The following ZNF423 variants were observed in gnomAD, a reference collection of about 807,000 sequenced individuals.
The protein encoded by ZNF423 is zinc finger protein 423.
ZNF423 carries 12 observed loss-of-function variants against 95.8 expected under a neutral mutation model. The observed-to-expected ratio is 0.13, with a 90% CI of 0.08 to 0.20. The LOEUF (loss-of-function observed/expected upper bound fraction) is 0.20. Ranked by LOEUF, ZNF423 falls within the 10% of genes least tolerant of loss-of-function variation. The pLI is 1.00. For missense variants in ZNF423, 1,316 were observed against 1,737.1 expected, an observed-to-expected ratio of 0.76 and a Z score of 4.31; for synonymous variants, 749 against 711.9, an observed-to-expected ratio of 1.05 and a Z score of -0.83.
intron 3 of ZNF423, among the ~76,000 whole-genome samples, chr16:49,691,479 T>C (rs1273608993): frequency 6.6e-6 from 1 of 152,148 alleles, no homozygotes; most frequent in East Asian, 1.9e-4. Context: ...ACGCCTGTAA[T>C]CCCAGCACTC....
intron 3 of ZNF423, among the ~76,000 whole-genome samples, chr16:49,689,278 C>CAA (rs150078202): frequency 3.0e-4 from 42 of 140,722 alleles, no homozygotes; most frequent in African/African-American, 1.1e-3. Context: ...CCCATCTCTA[C>CAA]AAAAAAAAAA....
At chr16:49,555,586 CT>C (rs1247796559) in intron 5 of ZNF423, among the ~76,000 whole-genome samples, 1 of 152,184 alleles carries the variant, frequency 6.6e-6, no homozygotes, top group Non-Finnish European at 1.5e-5. Context: ...AGAATCCTTG[CT>C]TTTGATCCAT....
At chr16:49,646,983 AGT>A (rs1973199748) in intron 3 of ZNF423, among the ~76,000 whole-genome samples, 1 of 152,208 alleles carries the variant, frequency 6.6e-6, no homozygotes, top group Non-Finnish European at 1.5e-5. Context: ...AACTGTGCAA[AGT>A]GACACTCCAA....
At chr16:49,605,063 C>T (rs1355551236) in intron 5 of ZNF423, among the ~76,000 whole-genome samples, 1 of 152,212 alleles carries the variant, frequency 6.6e-6, no homozygotes, top group Non-Finnish European at 1.5e-5. Context: ...TCTCCTCTTG[C>T]CAAGGGTATT....
At chr16:49,530,194 G>T (rs949710005) in intron 5 of ZNF423, among the ~76,000 whole-genome samples, 1 of 152,090 alleles carries the variant, frequency 6.6e-6, no homozygotes, top group Non-Finnish European at 1.5e-5. Flanking sequence ...TGGCAGCCAA[G>T]CAGTCTTATT....
chr16:49,734,667 C>T (rs750387504), intron 2 of ZNF423, among the ~76,000 whole-genome samples: 4 of 152,216 alleles, frequency 2.6e-5, no homozygotes, highest in Non-Finnish European at 5.9e-5. Context: ...GGACCTCTCC[C>T]TCAGGGCCAT....
At chr16:49,684,388 T>C (rs1016851163) in intron 3 of ZNF423, among the ~76,000 whole-genome samples, 2 of 152,238 alleles carry the variant, frequency 1.3e-5, no homozygotes, top group African/African-American at 4.8e-5. Context: ...ATTCTCAAAT[T>C]GCCCTGGGGA....
At chr16:49,505,711 G>C (rs948408739) in intron 7 of ZNF423, among the ~76,000 whole-genome samples, 1 of 152,202 alleles carries the variant, frequency 6.6e-6, no homozygotes, top group East Asian at 1.9e-4. Context: ...CCAGAGAGGG[G>C]GTCCAACCTG....
chr16:49,488,637 T>A lies in ZNF423; in HGVS notation c.*2638A>T, dbSNP rs1249912104. On this transcript the variant is annotated 3_prime_UTR_variant, in exon 8 of 8. Transcript: ENST00000563137. ...TCTGTGTGCAGCCCTTTGTCAGGCATCACTTCATACAAGCCTCCCAGAGAC... is the reference window on the plus strand; with the variant it reads ...TCTGTGTGCAGCCCTTTGTCAGGCAACACTTCATACAAGCCTCCCAGAGAC... 6.6e-6 allele frequency: 1 copy of A among 152,144 alleles called. No homozygotes were observed. The highest frequency in any genetic ancestry group is 1.5e-5 in the Non-Finnish European group (1 of 68,028). The allele number at this position is 152,144 out of a possible 1,614,324, so 9.4% of individuals were successfully genotyped here.
chr16:49,800,705 C>T (rs1310259183), intron 1 of ZNF423, among the ~76,000 whole-genome samples: 1 of 152,208 alleles, frequency 6.6e-6, no homozygotes, highest in East Asian at 1.9e-4. Context: ...CATACTGGCT[C>T]CCCTTCCATC....
chr16:49,845,740 C>T (rs1206610963), intron 1 of ZNF423, among the ~76,000 whole-genome samples: 1 of 151,582 alleles, frequency 6.6e-6, no homozygotes, highest in Admixed American at 6.6e-5. Flanking sequence ...GAGGTGGTTT[C>T]GCCATGTTGC....
intron 5 of ZNF423, among the ~76,000 whole-genome samples, chr16:49,558,720 T>C (rs566733066): frequency 5.9e-5 from 9 of 152,326 alleles, no homozygotes; most frequent in Non-Finnish European, 1.0e-4. Context: ...TCAGCAGGAA[T>C]TGCACATTTT....
chr16:49,590,041 T>TAG (rs1970961015), intron 5 of ZNF423, among the ~76,000 whole-genome samples: 2 of 140,630 alleles, frequency 1.4e-5, no homozygotes, highest in Admixed American at 7.0e-5. Context: ...TATATATATA[T>TAG]ATATATATAT....
chr16:49,634,555 G>A (rs896936960), intron 4 of ZNF423, among the ~76,000 whole-genome samples: 5 of 151,922 alleles, frequency 3.3e-5, no homozygotes, highest in Non-Finnish European at 7.4e-5. Context: ...AAAATCACAG[G>A]GTCCCAGGAA....
intron 5 of ZNF423, among the ~76,000 whole-genome samples, chr16:49,542,751 C>T (rs890253692): frequency 5.9e-5 from 9 of 152,180 alleles, no homozygotes; most frequent in African/African-American, 1.4e-4. Context: ...CAGGCTCACC[C>T]GGCCAGATGC....
At chr16:49,723,078 C>T (rs184431458) in intron 3 of ZNF423, among the ~76,000 whole-genome samples, 261 of 151,680 alleles carry the variant, frequency 1.7e-3, no homozygotes, top group South Asian at 4.0e-3. Flanking sequence ...GCCTCAGCCT[C>T]CCGAGTAGCT....
chr16:49,634,677 T>A (rs746956625), intron 4 of ZNF423, among the ~76,000 whole-genome samples: 9 of 152,136 alleles, frequency 5.9e-5, no homozygotes, highest in Non-Finnish European at 1.2e-4. Flanking sequence ...GAGGGAAATA[T>A]ACTCCTGAGA....
chr16:49,759,884 T>C (rs2033795811), intron 2 of ZNF423, among the ~76,000 whole-genome samples: 1 of 152,046 alleles, frequency 6.6e-6, no homozygotes, highest in African/African-American at 2.4e-5. Flanking sequence ...TGGTTCTCTT[T>C]AGAGAGATTG....
intron 3 of ZNF423, among the ~76,000 whole-genome samples, chr16:49,644,050 C>T (rs1973074295): frequency 6.6e-6 from 1 of 152,216 alleles, no homozygotes; most frequent in Admixed American, 6.5e-5. Flanking sequence ...CCCAGAATGG[C>T]TGGGAGCCAC....
Sources: gnomAD v4.1 joint callset for allele counts (sites outside exome capture counted in the v4.1 genomes callset) on GRCh38, gnomAD v4.1.1 for gene constraint, MANE v1.5 for transcripts, NCBI Gene and HGNC (gene_info 2026-07-23, HGNC 2026-07-21) for gene names.